EPAS1: variants seen among roughly 807,000 people sequenced by gnomAD.
The protein encoded by EPAS1 is endothelial PAS domain-containing protein 1.
A neutral mutation model predicts 87.9 loss-of-function variants in EPAS1; 23 were observed. The observed-to-expected ratio is 0.26, with a 90% CI of 0.19 to 0.37. The LOEUF is 0.37. Ranked by LOEUF, EPAS1 falls within the 10% of genes least tolerant of loss-of-function variation. The probability of loss-of-function intolerance (pLI) is 1.00; values close to 1 mark genes in which losing one functional copy is unlikely to be tolerated. For missense variants in EPAS1, 1,138 were observed against 1,120.7 expected, an observed-to-expected ratio of 1.02 and a Z score of -0.22; for synonymous variants, 508 against 444.3, an observed-to-expected ratio of 1.14 and a Z score of -1.80.
rs566608329 is a variant in EPAS1, at chr2:46,346,978, C to T, written c.132C>T (p.Pro44=). ...FYELAHELPL[P]HSVSSHLDKA... is the part of the protein sequence containing the mutation. Reference sequence around the variant, plus strand: ...AGCTGGCCCATGAGCTGCCTCTGCCCCACAGTGTGAGCTCCCATCTGGACA... The same window carrying T: ...AGCTGGCCCATGAGCTGCCTCTGCCTCACAGTGTGAGCTCCCATCTGGACA... Residue 44 remains proline, a synonymous_variant, in exon 2 of 16, where the codon CCC becomes CCT. Transcript: ENST00000263734. The surrounding 1 kb of genome is among the most constrained non-coding windows in gnomAD (Gnocchi z 4.0). 1.2e-6 allele frequency: 2 copies of T among 1,614,206 alleles called. No homozygotes were observed. Among genetic ancestry groups the T allele is most frequent in the South Asian group, 1.1e-5 (1 of 91,090 alleles).
chr2:46,356,138 C>CAG lies in EPAS1; in HGVS notation c.218-13_218-12insAG, dbSNP rs3835107. 1.6e-6 allele frequency: 2 copies of CAG among 1,261,374 alleles called. No individual in the cohort carries two copies. Among genetic ancestry groups the CAG allele is most frequent in the South Asian group, 1.2e-5 (1 of 84,042 alleles). The allele number at this position is 1,261,374 out of a possible 1,614,324, so 78.1% of individuals were successfully genotyped here. Reference sequence around the variant, plus strand: ...ACATTCATGCAAGCTGTCCCACCCCCCCCCCTTTCCAGTTTGCTCTGAAAA... The same window carrying CAG: ...ACATTCATGCAAGCTGTCCCACCCCCAGCCCCCTTTCCAGTTTGCTCTGAAAA... On this transcript the variant is annotated splice_polypyrimidine_tract_variant and intron_variant, in intron 2 of 15. Transcript: ENST00000263734.
intron 1 of EPAS1, among the ~76,000 whole-genome samples, chr2:46,342,159 T>G (rs1476233269): frequency 6.6e-6 from 1 of 152,174 alleles, no homozygotes; most frequent in African/African-American, 2.4e-5. Flanking sequence ...TTTTTAAGGT[T>G]CCTCTGGTGA....
chr2:46,345,215 G>C (rs190238842), intron 1 of EPAS1, among the ~76,000 whole-genome samples: 88 of 152,240 alleles, frequency 5.8e-4, no homozygotes, highest in African/African-American at 2.0e-3. Flanking sequence ...CCTGGGCCCA[G>C]GTGATTCTCC....
intron 1 of EPAS1, among the ~76,000 whole-genome samples, chr2:46,299,737 A>G (rs1416341432): frequency 6.6e-6 from 1 of 152,202 alleles, no homozygotes; most frequent in Non-Finnish European, 1.5e-5. Flanking sequence ...GCAGTTTTGT[A>G]CCGTATATAC....
chr2:46,381,071 G>T (rs915155864), intron 12 of EPAS1: 103 of 379,312 alleles, frequency 2.7e-4, no homozygotes, highest in African/African-American at 1.8e-3. Context: ...ACAGCAAAAA[G>T]ATACCCCTGC....
In EPAS1 at chr2:46,360,594, A is replaced by G; in HGVS notation, c.455-44A>G. 6.4e-7 allele frequency: 1 copy of G among 1,562,888 alleles called. No individual in the cohort carries two copies. The highest frequency in any genetic ancestry group is 8.8e-7 in the Non-Finnish European group (1 of 1,133,630). ...CTGGGCCCCTCTCATGAATATCCAT[A>G]TAAAACTGACTTCAGCTGGTTCTTC... On this transcript the variant is annotated intron_variant, in intron 4 of 15. Transcript: ENST00000263734. The surrounding 1 kb of genome is among the most constrained non-coding windows in gnomAD (Gnocchi z 4.5).
intron 1 of EPAS1, among the ~76,000 whole-genome samples, chr2:46,335,519 C>A (rs1683771951): frequency 6.6e-6 from 1 of 151,816 alleles, no homozygotes; most frequent in South Asian, 2.1e-4. Context: ...TTTCTCATGA[C>A]ACAGTGATTA....
intron 15 of EPAS1, 131 bp from the exon 16 acceptor site, chr2:46,384,378 G>C: frequency 7.6e-7 from 1 of 1,311,796 alleles, no homozygotes; most frequent in Non-Finnish European, 1.1e-6. Flanking sequence ...GCAGGCCGTG[G>C]GACAGACACC....
intron 6 of EPAS1, among the ~76,000 whole-genome samples, chr2:46,363,411 T>A (rs1296127848): frequency 1.3e-5 from 2 of 152,188 alleles, no homozygotes; most frequent in Non-Finnish European, 2.9e-5. Flanking sequence ...AAAAGAGATT[T>A]TTTTTAAGCT....
chr2:46,360,661 A>G lies in EPAS1; in HGVS notation c.478A>G (p.Lys160Glu). ...KNGSGFGKKS[K>E]DMSTERDFFM... ...AGGCTCTGGTTTTGGGAAAAAAAGC[A>G]AAGACATGTCCACAGAGCGGGACTT... Residue 160 changes from lysine to glutamate, a missense_variant, in exon 5 of 16, where the codon AAA becomes GAA. By Grantham distance (56) the Lys-to-Glu change is moderately conservative. This residue lies in a region of EPAS1 where 351 missense variants were observed against 417.1 expected (regional missense o/e 0.84). Coordinates refer to ENST00000263734, the MANE Select transcript of EPAS1 (RefSeq NM_001430.5). This position sits in a 1 kb window ranked among gnomAD's most constrained non-coding sequence, Gnocchi z 4.5. 6.2e-7 allele frequency: 1 copy of G among 1,613,946 alleles called. No homozygotes were observed. The highest frequency in any genetic ancestry group is 8.5e-7 in the Non-Finnish European group (1 of 1,179,936).
intron 11 of EPAS1, among the ~76,000 whole-genome samples, chr2:46,379,053 A>G (rs1035033197): frequency 6.6e-6 from 1 of 152,258 alleles, no homozygotes; most frequent in African/African-American, 2.4e-5. Context: ...TTCTTTAAAC[A>G]GGCCCTACAT....
At chr2:46,306,157 C>T (rs1266000909) in intron 1 of EPAS1, among the ~76,000 whole-genome samples, 1 of 152,038 alleles carries the variant, frequency 6.6e-6, no homozygotes, top group African/African-American at 2.4e-5. Context: ...AATCATTGTG[C>T]TGTGTGTCTA....
chr2:46,382,621 A>AC (rs1469196104), intron 15 of EPAS1, 23 bp downstream of exon 15: 18 of 1,613,302 alleles, frequency 1.1e-5, no homozygotes, highest in South Asian at 4.4e-5. Flanking sequence ...AGGATCTGTC[A>AC]CCCCCATCCC....
At chr2:46,381,367 C>T (rs915998684) in intron 12 of EPAS1, 4 of 619,356 alleles carry the variant, frequency 6.5e-6, no homozygotes, top group African/African-American at 5.5e-5. Flanking sequence ...GCCAGGCAGC[C>T]ATCCCCCAGA....
At chr2:46,334,437 G>C (rs1012891063) in intron 1 of EPAS1, among the ~76,000 whole-genome samples, 1 of 152,134 alleles carries the variant, frequency 6.6e-6, no homozygotes, top group Non-Finnish European at 1.5e-5. Context: ...CCCATTCCCA[G>C]TGTGTCTTTG....
chr2:46,322,429 T>C (rs1683471999), intron 1 of EPAS1, among the ~76,000 whole-genome samples: 2 of 152,130 alleles, frequency 1.3e-5, no homozygotes, highest in South Asian at 4.1e-4. Context: ...CAACAGGGGT[T>C]CCAAACCTTA....
At chr2:46,362,065 C>T (rs1684402129) in intron 6 of EPAS1, among the ~76,000 whole-genome samples, 1 of 152,304 alleles carries the variant, frequency 6.6e-6, no homozygotes, top group South Asian at 2.1e-4. Flanking sequence ...TGCTGAGCAG[C>T]ACCCCCCGCA....
chr2:46,342,772 T>C (rs1683936694), intron 1 of EPAS1, among the ~76,000 whole-genome samples: 1 of 152,238 alleles, frequency 6.6e-6, no homozygotes, highest in Non-Finnish European at 1.5e-5. Flanking sequence ...AAGATGTTTT[T>C]AAGATAACGA....
chr2:46,324,691 C>T (rs1683519866), intron 1 of EPAS1, among the ~76,000 whole-genome samples: 1 of 152,182 alleles, frequency 6.6e-6, no homozygotes, highest in Non-Finnish European at 1.5e-5. Flanking sequence ...CAAACTTTTT[C>T]CGTACAAGTT....
Sources: gnomAD v4.1 joint callset for allele counts (sites outside exome capture counted in the v4.1 genomes callset) on GRCh38, gnomAD v4.1.1 for gene constraint, gnomAD v4.1.1 regional missense constraint, Gnocchi (gnomAD v3.1) non-coding constraint, MANE v1.5 for transcripts, NCBI Gene and HGNC (gene_info 2026-07-23, HGNC 2026-07-21) for gene names.